Variants in GABRG2 observed in about 807,000 individuals in gnomAD.
The protein encoded by GABRG2 is gamma-aminobutyric acid receptor subunit gamma-2.
In GABRG2, 16 loss-of-function variants were observed where a neutral mutation model predicts 56.4. The ratio of observed to expected loss-of-function variants is 0.28; its 90% CI spans 0.19 to 0.43. The LOEUF (loss-of-function observed/expected upper bound fraction) is 0.43. Among genes scored for constraint, GABRG2 ranks in the 20% least tolerant of loss-of-function variants. The pLI is 1.00. For synonymous variants in GABRG2, 208 were observed against 205.5 expected (o/e 1.01, Z -0.10); for missense variants, 327 against 582.7 (o/e 0.56, Z 4.52).
At chr5:162,135,521 T>C (rs1284915534) in intron 6 of GABRG2, among the ~76,000 whole-genome samples, 4 of 152,126 alleles carry the variant, frequency 2.6e-5, no homozygotes, top group African/African-American at 4.8e-5. Context: ...GTGAGCAAAA[T>C]AGCTAGAGCT....
At chr5:162,070,780 C>A (rs1758612414) in intron 1 of GABRG2, among the ~76,000 whole-genome samples, 1 of 151,910 alleles carries the variant, frequency 6.6e-6, no homozygotes. Flanking sequence ...GGGGAACTTA[C>A]TAAAATGGAG....
At chr5:162,132,452 T>C (rs928812816) in intron 6 of GABRG2, among the ~76,000 whole-genome samples, 1 of 152,042 alleles carries the variant, frequency 6.6e-6, no homozygotes, top group African/African-American at 2.4e-5. Context: ...AGTCTCATCA[T>C]TTCTATGTCA....
chr5:162,110,492 T>C (rs544141646), intron 6 of GABRG2, among the ~76,000 whole-genome samples: 1 of 152,214 alleles, frequency 6.6e-6, no homozygotes, highest in East Asian at 1.9e-4. Flanking sequence ...TTTTAGGCTG[T>C]TTTAATTTAA....
intron 1 of GABRG2, among the ~76,000 whole-genome samples, chr5:162,086,257 A>G (rs926120827): frequency 3.3e-5 from 5 of 152,038 alleles, no homozygotes; most frequent in Admixed American, 6.6e-5. Context: ...ATTTCCACAA[A>G]TATTGAATCT....
chr5:162,138,544 C>T (rs867441052), intron 6 of GABRG2, among the ~76,000 whole-genome samples: 17 of 152,136 alleles, frequency 1.1e-4, no homozygotes, highest in African/African-American at 3.1e-4. Flanking sequence ...ACCTAATACA[C>T]TGCTCTATGC....
rs765703079 is a variant in GABRG2 at position 162,104,036 on chromosome 5, A to T, written c.769+10A>T. 1 of 1,613,846 alleles carries T rather than the reference A, an allele frequency of 6.2e-7. No individual in the cohort carries two copies. On this transcript the variant is annotated intron_variant, in intron 6 of 9. Coordinates refer to ENST00000639213, the MANE Select transcript of GABRG2 (RefSeq NM_198904.4). ...GTGAAGACAACTTCCGGTAAGATGC[A>T]CTGGCAAAGAATTTCAAGTGACCCT...
intron 7 of GABRG2, among the ~76,000 whole-genome samples, chr5:162,144,937 C>T (rs984642320): frequency 2.0e-5 from 3 of 152,158 alleles, no homozygotes; most frequent in Non-Finnish European, 2.9e-5. Context: ...GTGTCTAGAA[C>T]GTGACTTAGG....
In GABRG2 at chr5:162,107,202, A is replaced by G. The variant is rs183132610; in HGVS notation, c.769+3176A>G. ...ACATGTTCTCATTTTGTGTGGCTGC[A>G]TAGTATTCCTTGATACATGGTTTTT... On this transcript the variant is annotated intron_variant, in intron 6 of 9. Coordinates refer to ENST00000639213, the MANE Select transcript of GABRG2 (RefSeq NM_198904.4). 7.7e-3 allele frequency among the ~76,000 whole-genome samples: 1,171 copies of G among 152,286 alleles called. 43 individuals are homozygous for G. The highest frequency in any genetic ancestry group is 3.4e-3 in the Middle Eastern group (1 of 294).
chr5:162,080,231 A>C (rs1005241248), intron 1 of GABRG2, among the ~76,000 whole-genome samples: 1 of 152,168 alleles, frequency 6.6e-6, no homozygotes, highest in African/African-American at 2.4e-5. Context: ...AATAAGCTTC[A>C]AATTGTGATA....
intron 6 of GABRG2, among the ~76,000 whole-genome samples, chr5:162,104,647 G>GA (rs1312048935): frequency 1.3e-5 from 2 of 152,132 alleles, no homozygotes; most frequent in Middle Eastern, 3.4e-3. Flanking sequence ...AAATATAAAT[G>GA]AAATGAAATG....
chr5:162,111,636 GTATT>G (rs1172965544), intron 6 of GABRG2, among the ~76,000 whole-genome samples: 2 of 152,028 alleles, frequency 1.3e-5, no homozygotes, highest in South Asian at 2.1e-4. Context: ...ATACACAATG[GTATT>G]TTATTTCTCA....
At chr5:162,143,906 A>G (rs1022639248) in intron 7 of GABRG2, among the ~76,000 whole-genome samples, 1 of 152,200 alleles carries the variant, frequency 6.6e-6, no homozygotes, top group African/African-American at 2.4e-5. Context: ...TTACTGGGGG[A>G]AAAGACATCA....
chr5:162,083,135 A>G (rs1011553977), intron 1 of GABRG2, among the ~76,000 whole-genome samples: 4 of 151,838 alleles, frequency 2.6e-5, no homozygotes, highest in East Asian at 3.9e-4. Flanking sequence ...TTAATCAACT[A>G]TCTGAAAAAT....
intron 6 of GABRG2, among the ~76,000 whole-genome samples, chr5:162,113,959 G>C (rs766224213): frequency 1.2e-4 from 18 of 152,254 alleles, no homozygotes; most frequent in Admixed American, 4.6e-4. Flanking sequence ...TTCACTTACA[G>C]GGAAATTACT....
chr5:162,147,449 C>T (rs1294254254), intron 7 of GABRG2, among the ~76,000 whole-genome samples: 1 of 151,880 alleles, frequency 6.6e-6, no homozygotes, highest in Non-Finnish European at 1.5e-5. Context: ...ATTGCAACCC[C>T]CGCCTCCCGT....
rs750904065 is a variant in GABRG2, at chr5:162,153,469, A to G, written c.*101A>G. On this transcript the variant is annotated 3_prime_UTR_variant, in exon 10 of 10. Coordinates refer to ENST00000639213, the MANE Select transcript of GABRG2 (RefSeq NM_198904.4). ...ATAATCCTCTATGTGGTTGATAATG[A>G]TCTGAATCTGTTTCTATGTCCAAAC... 1 of 1,357,308 alleles carries G rather than the reference A, an allele frequency of 7.4e-7. No individual in the cohort carries two copies. The highest frequency in any genetic ancestry group is 1.4e-5 in the African/African-American group (1 of 69,528). The allele number at this position is 1,357,308 out of a possible 1,614,324, so 84.1% of individuals were successfully genotyped here.
chr5:162,096,376 GT>G, intron 3 of GABRG2, among the ~76,000 whole-genome samples: 1 of 152,166 alleles, frequency 6.6e-6, no homozygotes, highest in Admixed American at 6.6e-5. Context: ...GAACTTTCTT[GT>G]TTTAGGAATA....
In GABRG2 at chr5:162,077,680, G is replaced by A. The variant is rs142504718; in HGVS notation, c.107+9574G>A. Among the ~76,000 whole-genome samples, 44 of 152,234 alleles carry A rather than the reference G, an allele frequency of 2.9e-4. No homozygotes were observed. The East Asian group carries it at 6.0e-3, about 21-fold the overall frequency. Reference sequence around the variant, plus strand: ...GTTAGCAGTTTAAAATAAGAAACACGTCTTATTTTGCAGTGTCTGAGGAGC... The same window carrying A: ...GTTAGCAGTTTAAAATAAGAAACACATCTTATTTTGCAGTGTCTGAGGAGC... On this transcript the variant is annotated intron_variant, in intron 1 of 9. Transcript: ENST00000639213.
At chr5:162,111,674 TC>T (rs142589697) in intron 6 of GABRG2, among the ~76,000 whole-genome samples, 23 of 152,292 alleles carry the variant, frequency 1.5e-4, no homozygotes, top group Non-Finnish European at 2.6e-4. Context: ...AGAAAGATAT[TC>T]TTTTTCCATT....
Sources: allele counts gnomAD v4.1 joint callset (sites outside exome capture counted in the v4.1 genomes callset), GRCh38; gene constraint gnomAD v4.1.1; transcripts MANE v1.5; gene names NCBI Gene and HGNC (gene_info 2026-07-23, HGNC 2026-07-21).